The following TMTC1 variants were observed in gnomAD, a reference collection of about 807,000 sequenced individuals.
TMTC1 encodes the protein transmembrane O-mannosyltransferase targeting cadherins 1.
Under a neutral mutation model 104.8 loss-of-function variants are expected in TMTC1, and 73 were observed. That is an observed-to-expected ratio of 0.70 (90% CI 0.58 to 0.85). TMTC1 has a LOEUF of 0.85. TMTC1 is among the 40% of genes least tolerant of loss of function. TMTC1 has a pLI of 0.00. For missense variants in TMTC1, 1,035 were observed against 1,096.1 expected (o/e 0.94, Z 0.79); for synonymous variants, 434 against 428.7 (o/e 1.01, Z -0.15).
chr12:29,516,572 A>C, intron 14 of TMTC1, 86 bp from the exon 15 acceptor site: 1 of 1,424,060 alleles, frequency 7.0e-7, no homozygotes, highest in Non-Finnish European at 9.4e-7. Flanking sequence ...TTCAGAACGC[A>C]CTCCTGACAA....
intron 1 of TMTC1, among the ~76,000 whole-genome samples, chr12:29,773,420 AAAAAC>A (rs56195911): frequency 0.88 from 132,656 of 151,516 alleles, 59,603 homozygotes; most frequent in East Asian, 0.99. Flanking sequence ...CTGATTTAGG[AAAAAC>A]AAAACAAAAC....
chr12:29,562,559 G>C (rs923872985), intron 9 of TMTC1, among the ~76,000 whole-genome samples: 1 of 152,144 alleles, frequency 6.6e-6, no homozygotes, highest in Non-Finnish European at 1.5e-5. Flanking sequence ...GAGGCTTGGG[G>C]TGAACTTTGG....
At chr12:29,760,105 G>C (rs1028191826) in intron 2 of TMTC1, among the ~76,000 whole-genome samples, 1 of 152,180 alleles carries the variant, frequency 6.6e-6, no homozygotes, top group African/African-American at 2.4e-5. Flanking sequence ...GGTAGCCTAA[G>C]AGCAATAGGC....
chr12:29,751,839 C>A lies in TMTC1; in HGVS notation c.765G>T (p.Gln255His). The A allele has an allele frequency of 5.6e-6, 9 of 1,592,962 alleles. No individual in the cohort carries two copies. The highest frequency in any genetic ancestry group is 7.7e-6 in the Non-Finnish European group (9 of 1,169,482). Residue 255 changes from glutamine to histidine, a missense_variant, in exon 5 of 18, where the codon CAG becomes CAT. Transcript: ENST00000539277. Reference protein sequence around the residue: ...SNGALCPRSPQQPGSPQPSSL... With the variant: ...SNGALCPRSPHQPGSPQPSSL... ...AGGAGGGCTGGGGGCTCCCGGGCTGCTGTGGGCTGCGTGGACAGAGGGCCC... is the reference window on the plus strand; with the variant it reads ...AGGAGGGCTGGGGGCTCCCGGGCTGATGTGGGCTGCGTGGACAGAGGGCCC...
intron 16 of TMTC1, among the ~76,000 whole-genome samples, chr12:29,513,196 A>G (rs1001097554): frequency 4.6e-5 from 7 of 152,090 alleles, no homozygotes; most frequent in African/African-American, 1.7e-4. Context: ...GAGTTTACAA[A>G]ACTATAAAAT....
intron 10 of TMTC1, among the ~76,000 whole-genome samples, chr12:29,549,935 T>C (rs1039336712): frequency 1.3e-5 from 2 of 152,146 alleles, no homozygotes; most frequent in Non-Finnish European, 2.9e-5. Flanking sequence ...ATTTGATAGA[T>C]TGGATGACAG....
chr12:29,695,791 TTTTA>T (rs1420152219), intron 5 of TMTC1, among the ~76,000 whole-genome samples: 22 of 95,264 alleles, frequency 2.3e-4, no homozygotes, highest in South Asian at 3.7e-4. Flanking sequence ...ACTACTTCCT[TTTTA>T]TATATATATA....
At chr12:29,719,187 T>A (rs1942166671) in intron 5 of TMTC1, among the ~76,000 whole-genome samples, 1 of 152,214 alleles carries the variant, frequency 6.6e-6, no homozygotes, top group South Asian at 2.1e-4. Flanking sequence ...ATATTCTATT[T>A]CAGATAATCT....
rs548995218 is a variant in TMTC1, at chr12:29,503,583, A to G, written c.*3263T>C. ...CTGGAAAAAGAGGGGTGATATATAC[A>G]TGAGGAACTCTAAATGTAGCTGGAA... On this transcript the variant is annotated 3_prime_UTR_variant, in exon 18 of 18. Coordinates refer to ENST00000539277, the MANE Select transcript of TMTC1 (RefSeq NM_001193451.2). 2.0e-5 allele frequency: 3 copies of G among 152,316 alleles called. No homozygotes were observed. Among genetic ancestry groups the G allele is most frequent in the East Asian group, 1.9e-4 (1 of 5,182 alleles). The allele number at this position is 152,316 out of a possible 1,614,324, so 9.4% of individuals were successfully genotyped here.
At position 29,504,435 on chromosome 12, in the gene TMTC1, C is replaced by T. The variant is rs536666472; in HGVS notation, c.*2411G>A. ...TATAGGCACTGTTTTTACTGTGAAACTATTGCATTGGCCACATCTCAGTGA... is the reference window on the plus strand; with the variant it reads ...TATAGGCACTGTTTTTACTGTGAAATTATTGCATTGGCCACATCTCAGTGA... On this transcript the variant is annotated 3_prime_UTR_variant, in exon 18 of 18. Transcript: ENST00000539277. 9.5e-4 allele frequency: 145 copies of T among 152,194 alleles called. No individual in the cohort carries two copies. Among genetic ancestry groups the T allele is most frequent in the African/African-American group, 3.3e-3 (135 of 41,508 alleles). 9.4% of individuals were successfully genotyped at this position (152,194 alleles called of 1,614,324 possible). A position where few individuals can be genotyped will look rare whatever the true frequency, so the allele number is the denominator to read the frequency against.
chr12:29,594,604 G>A (rs918779834), intron 7 of TMTC1, among the ~76,000 whole-genome samples: 3 of 152,200 alleles, frequency 2.0e-5, no homozygotes, highest in African/African-American at 7.2e-5. Context: ...GGTTTGAGAT[G>A]TATTCTCTAA....
At chr12:29,634,421 G>A (rs1938448665) in intron 5 of TMTC1, among the ~76,000 whole-genome samples, 2 of 152,132 alleles carry the variant, frequency 1.3e-5, no homozygotes, top group African/African-American at 4.8e-5. Context: ...TGCATCTACA[G>A]GGACCAATGC....
intron 9 of TMTC1, among the ~76,000 whole-genome samples, chr12:29,570,482 G>C (rs1945636557): frequency 6.6e-6 from 1 of 152,108 alleles, no homozygotes; most frequent in African/African-American, 2.4e-5. Flanking sequence ...TATTCCTCTG[G>C]AACTTATAAT....
chr12:29,619,865 C>T (rs1947084335), intron 6 of TMTC1, among the ~76,000 whole-genome samples: 1 of 152,188 alleles, frequency 6.6e-6, no homozygotes, highest in Non-Finnish European at 1.5e-5. Flanking sequence ...TTAAAACCTG[C>T]ACTTAAAAGT....
At chr12:29,606,755 T>C (rs11837770) in intron 6 of TMTC1, among the ~76,000 whole-genome samples, 2,309 of 152,284 alleles carry the variant, frequency 0.015, 48 homozygotes, top group African/African-American at 0.052. Flanking sequence ...ATCAAGGTTA[T>C]TGGGAAAGAG....
chr12:29,626,326 G>A (rs1937991169), intron 6 of TMTC1, among the ~76,000 whole-genome samples: 1 of 152,066 alleles, frequency 6.6e-6, no homozygotes, highest in Admixed American at 6.6e-5. Flanking sequence ...AAAGTAAAAG[G>A]GAGATAAAGA....
rs1265010037 is a variant in TMTC1 at position 29,783,479 on chromosome 12, G to A, written c.273C>T (p.Ser91=). The A allele has an allele frequency of 4.4e-6, 6 of 1,355,948 alleles. No homozygotes were observed. Among genetic ancestry groups the A allele is most frequent in the African/African-American group, 1.5e-5 (1 of 66,850 alleles). 84.0% of individuals were successfully genotyped at this position (1,355,948 alleles called of 1,614,324 possible). ...AGGTGAGGACGCAGAGCGGCCGGTAGGACTTGTGGCTGGTGTTCTCGGCCA... is the reference window on the plus strand; with the variant it reads ...AGGTGAGGACGCAGAGCGGCCGGTAAGACTTGTGGCTGGTGTTCTCGGCCA... The part of the protein sequence containing the change: ...KGMAENTSHK[S]YRPLCVLTFK... The change falls in exon 1 of 18, where the codon TCC becomes TCT. Residue 91 remains serine (S), a synonymous_variant. Transcript: ENST00000539277. This position sits in a 1 kb window ranked among gnomAD's most constrained non-coding sequence, Gnocchi z 4.7.
intron 5 of TMTC1, among the ~76,000 whole-genome samples, chr12:29,643,849 A>T (rs867124009): frequency 4.2e-5 from 3 of 71,070 alleles, no homozygotes; most frequent in African/African-American, 1.2e-4. Context: ...TTATATATTT[A>T]TATATATTTA....
chr12:29,670,738 G>A (rs1940471420), intron 5 of TMTC1, among the ~76,000 whole-genome samples: 1 of 151,462 alleles, frequency 6.6e-6, no homozygotes, highest in Admixed American at 6.6e-5. Context: ...AGACCAGCCT[G>A]AGTAACACTG....
Sources: allele counts gnomAD v4.1 joint callset (sites outside exome capture counted in the v4.1 genomes callset), GRCh38; gene constraint gnomAD v4.1.1; non-coding constraint Gnocchi (gnomAD v3.1); transcripts MANE v1.5; gene names NCBI Gene and HGNC (gene_info 2026-07-23, HGNC 2026-07-21).